PHACTR3: variants seen among roughly 807,000 people sequenced by gnomAD.
The protein encoded by PHACTR3 is protein phosphatase 1, regulatory subunit 123.
Under a neutral mutation model 66.8 loss-of-function variants are expected in PHACTR3, and 16 were observed. The ratio of observed to expected loss-of-function variants is 0.24; its 90% CI spans 0.16 to 0.36. PHACTR3 has a LOEUF of 0.36. Among genes scored for constraint, PHACTR3 ranks in the 10% least tolerant of loss-of-function variants. The probability of loss-of-function intolerance (pLI) is 1.00; values close to 1 mark genes in which losing one functional copy is unlikely to be tolerated. For missense variants in PHACTR3, 647 were observed against 719.9 expected (o/e 0.90, Z 1.16); for synonymous variants, 323 against 292.1 (o/e 1.11, Z -1.08).
At chr20:59,677,215 GT>G (rs538478477) in intron 1 of PHACTR3, among the ~76,000 whole-genome samples, 237 of 152,260 alleles carry the variant, frequency 1.6e-3, no homozygotes, top group African/African-American at 5.6e-3. Context: ...CTTAAGCCAG[GT>G]TTTATAAAAA....
intron 7 of PHACTR3, among the ~76,000 whole-genome samples, chr20:59,784,432 C>T (rs772104204): frequency 6.6e-5 from 10 of 151,968 alleles, no homozygotes; most frequent in Non-Finnish European, 1.3e-4. Context: ...CTCTGGAGAG[C>T]CCTGACCCAA....
intron 1 of PHACTR3, among the ~76,000 whole-genome samples, chr20:59,647,207 G>A (rs1254217996): frequency 2.0e-5 from 3 of 152,194 alleles, no homozygotes; most frequent in Non-Finnish European, 4.4e-5. Context: ...GTCTTACATG[G>A]CAGCAGGCAA....
At chr20:59,654,324 A>G (rs2035549127) in intron 1 of PHACTR3, among the ~76,000 whole-genome samples, 1 of 152,192 alleles carries the variant, frequency 6.6e-6, no homozygotes. Context: ...GAAAAATTTT[A>G]ATTAATAAAT....
At chr20:59,624,925 A>G (rs1370837064) in intron 1 of PHACTR3, among the ~76,000 whole-genome samples, 1 of 151,996 alleles carries the variant, frequency 6.6e-6, no homozygotes, top group Non-Finnish European at 1.5e-5. Flanking sequence ...TTATTCCAAC[A>G]TCCTTAGTAT....
At chr20:59,756,136 A>G (rs558868473) in intron 4 of PHACTR3, among the ~76,000 whole-genome samples, 2 of 152,254 alleles carry the variant, frequency 1.3e-5, no homozygotes, top group African/African-American at 4.8e-5. Flanking sequence ...GGAAGGATAG[A>G]GGGGAGGAAA....
chr20:59,818,291 G>A (rs1360466821), intron 8 of PHACTR3, among the ~76,000 whole-genome samples: 1 of 152,174 alleles, frequency 6.6e-6, no homozygotes, highest in African/African-American at 2.4e-5. Context: ...AACAGAGCCT[G>A]TCTTTTGGGG....
intron 1 of PHACTR3, among the ~76,000 whole-genome samples, chr20:59,588,353 C>T (rs1169316000): frequency 6.6e-6 from 1 of 152,286 alleles, no homozygotes; most frequent in East Asian, 1.9e-4. Context: ...TTCTGTCGCC[C>T]CTGTCCCAGT....
At chr20:59,708,452 G>A (rs1003011156) in intron 1 of PHACTR3, among the ~76,000 whole-genome samples, 5 of 152,206 alleles carry the variant, frequency 3.3e-5, no homozygotes, top group African/African-American at 1.2e-4. Flanking sequence ...CATCCGCCCA[G>A]AAGGGGCAGA....
At chr20:59,690,246 C>T (rs1240047225) in intron 1 of PHACTR3, among the ~76,000 whole-genome samples, 2 of 152,216 alleles carry the variant, frequency 1.3e-5, no homozygotes, top group African/African-American at 4.8e-5. Context: ...GCCTACCATG[C>T]ACAAACACAG....
intron 8 of PHACTR3, among the ~76,000 whole-genome samples, chr20:59,823,307 G>A (rs1402763314): frequency 6.6e-6 from 1 of 152,114 alleles, no homozygotes; most frequent in Non-Finnish European, 1.5e-5. Flanking sequence ...ACAGTAATCT[G>A]CAGATATTAC....
At chr20:59,643,815 A>AG (rs1288389969) in intron 1 of PHACTR3, among the ~76,000 whole-genome samples, 1 of 152,102 alleles carries the variant, frequency 6.6e-6, no homozygotes, top group Non-Finnish European at 1.5e-5. Context: ...CTAAGTGAAA[A>AG]GGGGGGTGGG....
chr20:59,702,953 A>C (rs2037559574), intron 1 of PHACTR3, among the ~76,000 whole-genome samples: 1 of 152,198 alleles, frequency 6.6e-6, no homozygotes, highest in South Asian at 2.1e-4. Context: ...TGGAGCTGAC[A>C]GTGATGTATC....
intron 10 of PHACTR3, 107 bp from the exon 11 acceptor site, chr20:59,841,287 GT>G (rs905680727): frequency 2.3e-5 from 27 of 1,173,022 alleles, no homozygotes; most frequent in Non-Finnish European, 2.6e-5. Context: ...CCAGTTTCAG[GT>G]TTTTTTTGTT....
chr20:59,707,209 C>T (rs2037738613), intron 1 of PHACTR3, among the ~76,000 whole-genome samples: 1 of 152,224 alleles, frequency 6.6e-6, no homozygotes, highest in African/African-American at 2.4e-5. Flanking sequence ...CATCCCCCAT[C>T]AGGTTCTCCC....
chr20:59,757,097 G>T (rs1051845252), intron 4 of PHACTR3, among the ~76,000 whole-genome samples: 4 of 152,370 alleles, frequency 2.6e-5, no homozygotes, highest in African/African-American at 9.6e-5. Context: ...CGCTGGCATG[G>T]TTCTTAAGGC....
At position 59,767,265 on chromosome 20, in the gene PHACTR3, C is replaced by G; in HGVS notation, c.621C>G (p.Ala207=). 6.2e-7 allele frequency: 1 copy of G among 1,614,238 alleles called. No individual in the cohort carries two copies. The highest frequency in any genetic ancestry group is 2.2e-5 in the East Asian group (1 of 44,876). Residue 207 remains alanine (A), a synonymous_variant, in exon 5 of 13, where the codon GCC becomes GCG. Coordinates refer to ENST00000371015, the MANE Select transcript of PHACTR3 (RefSeq NM_080672.5). ...CCACCACCAATGAGCTCTCCCAAGC[C>G]TTAGCTGGGGCTGACTCCCTGGACA... is the stretch of plus-strand genomic sequence containing the variant. ...LLPTTNELSQ[A]LAGADSLDSP...
At chr20:59,630,267 C>G (rs1366290488) in intron 1 of PHACTR3, among the ~76,000 whole-genome samples, 1 of 79,884 alleles carries the variant, frequency 1.3e-5, no homozygotes, top group African/African-American at 3.8e-5. Context: ...ACTGCAACCT[C>G]TGCCTCCCAG....
chr20:59,846,604 T>A (rs538571310), intron 12 of PHACTR3, among the ~76,000 whole-genome samples: 1 of 152,194 alleles, frequency 6.6e-6, no homozygotes, highest in African/African-American at 2.4e-5. Context: ...TTAGTAAAGA[T>A]GTTTATTGTC....
At chr20:59,797,690 C>T (rs1046984623) in intron 7 of PHACTR3, among the ~76,000 whole-genome samples, 1 of 152,152 alleles carries the variant, frequency 6.6e-6, no homozygotes, top group Non-Finnish European at 1.5e-5. Flanking sequence ...TTAGTTTCCT[C>T]ATTGGCTGCC....
Sources: gnomAD v4.1 joint callset for allele counts (sites outside exome capture counted in the v4.1 genomes callset) on GRCh38, gnomAD v4.1.1 for gene constraint, MANE v1.5 for transcripts, NCBI Gene and HGNC (gene_info 2026-07-23, HGNC 2026-07-21) for gene names.